Variants in MGAT4A observed in about 807,000 individuals in gnomAD.
The protein encoded by MGAT4A is alpha-1,3-mannosyl-glycoprotein 4-beta-N-acetylglucosaminyltransferase A, also known as N-acetylglucosaminyltransferase IVa.
Under a neutral mutation model 74.1 loss-of-function variants are expected in MGAT4A, and 33 were observed. The observed-to-expected ratio is 0.45, with a 90% CI of 0.34 to 0.60. The LOEUF is 0.60. Ranked by LOEUF, MGAT4A falls within the 20% of genes least tolerant of loss-of-function variation. The probability of loss-of-function intolerance (pLI) is 0.02; values close to 1 mark genes in which losing one functional copy is unlikely to be tolerated. For synonymous variants in MGAT4A, 198 were observed against 210.4 expected (o/e 0.94, Z 0.51); for missense variants, 479 against 628.3 (o/e 0.76, Z 2.54).
At chr2:98,722,269 T>C (rs1702684339) in intron 2 of MGAT4A, among the ~76,000 whole-genome samples, 1 of 152,148 alleles carries the variant, frequency 6.6e-6, no homozygotes, top group East Asian at 1.9e-4. Context: ...AGCGGATGGA[T>C]GGATAAACAG....
At chr2:98,691,649 T>C (rs531285457) in intron 2 of MGAT4A, among the ~76,000 whole-genome samples, 1 of 152,358 alleles carries the variant, frequency 6.6e-6, no homozygotes, top group East Asian at 1.9e-4. Flanking sequence ...TACTGGTTTA[T>C]GTATTTACTA....
intron 2 of MGAT4A, among the ~76,000 whole-genome samples, chr2:98,718,930 CAG>C (rs1017362557): frequency 6.6e-6 from 1 of 152,192 alleles, no homozygotes; most frequent in Admixed American, 6.5e-5. Flanking sequence ...GGCTGCCACT[CAG>C]AGAAAAACCT....
At chr2:98,631,063 T>C (rs1436457355) in intron 14 of MGAT4A, among the ~76,000 whole-genome samples, 1 of 152,232 alleles carries the variant, frequency 6.6e-6, no homozygotes, top group Non-Finnish European at 1.5e-5. Flanking sequence ...GGCCCTTTCC[T>C]TCTCCCACTG....
At chr2:98,716,297 C>T (rs1299531407) in intron 2 of MGAT4A, among the ~76,000 whole-genome samples, 1 of 152,168 alleles carries the variant, frequency 6.6e-6, no homozygotes, top group Non-Finnish European at 1.5e-5. Flanking sequence ...TCGCTCCAGC[C>T]TGTGTGACAG....
chr2:98,651,071 AAAAGAAAG>A (rs58878330), intron 8 of MGAT4A, among the ~76,000 whole-genome samples: 1 of 150,670 alleles, frequency 6.6e-6, no homozygotes, highest in African/African-American at 2.4e-5. Flanking sequence ...TCTCAAAAAA[AAAAGAAAG>A]AAAGAAAGAA....
At chr2:98,709,833 T>C (rs1305774078) in intron 2 of MGAT4A, among the ~76,000 whole-genome samples, 2 of 152,108 alleles carry the variant, frequency 1.3e-5, no homozygotes, top group Non-Finnish European at 2.9e-5. Flanking sequence ...GATAAACTAG[T>C]TGGCAAACTC....
At chr2:98,695,882 T>C (rs1386711488) in intron 2 of MGAT4A, among the ~76,000 whole-genome samples, 1 of 150,244 alleles carries the variant, frequency 6.7e-6, no homozygotes, top group African/African-American at 2.4e-5. Context: ...GAACTTCTTT[T>C]TTTTTTTTTT....
Position 98,625,566 on chromosome 2 carries a change from T to A in MGAT4A, c.1608A>T (p.Ter536CysextTer11). The A allele has an allele frequency of 6.2e-7, 1 of 1,609,328 alleles. No homozygotes were observed. The highest frequency in any genetic ancestry group is 8.5e-7 in the Non-Finnish European group (1 of 1,178,646). Residue 536 changes from the stop codon to cysteine (C), a stop_lost, in exon 16 of 16, where the codon TGA (stop) becomes TGT (cysteine). Transcript: ENST00000393487. Reference protein sequence around the residue: ...NEIHIKKATN* With the variant: ...NEIHIKKATNC ...AAAAATGTGTTGGTTTCTCAGATGA[T>A]CAGTTGGTGGCTTTTTTAATATGAA...
Position 98,620,118 on chromosome 2 carries a change from A to G in MGAT4A, c.*5448T>C, listed in dbSNP as rs1381591782. ...GTGAAGGAGTGTTTCAGGTAAGAAG[A>G]AGAGTTTATATATAGGTGTTGATAC... On this transcript the variant is annotated 3_prime_UTR_variant, in exon 16 of 16. Coordinates refer to ENST00000393487, the MANE Select transcript of MGAT4A (RefSeq NM_012214.3). 6.6e-6 allele frequency: 1 copy of G among 152,208 alleles called. No individual in the cohort carries two copies. Among genetic ancestry groups the G allele is most frequent in the Non-Finnish European group, 1.5e-5 (1 of 68,032 alleles). 9.4% of individuals were successfully genotyped at this position (152,208 alleles called of 1,614,324 possible).
At position 98,623,089 on chromosome 2, in the gene MGAT4A, T is replaced by C. The variant is rs1701084906; in HGVS notation, c.*2477A>G. On this transcript the variant is annotated 3_prime_UTR_variant, in exon 16 of 16. Transcript: ENST00000393487. ...AATAATTGGTCTCACATCCAGATGC[T>C]GACTGGCCACCTGCCACGTGCCTGG... 1 of 985,292 alleles carries C rather than the reference T, an allele frequency of 1.0e-6. No individual in the cohort carries two copies. Among genetic ancestry groups the C allele is most frequent in the African/African-American group, 1.7e-5 (1 of 57,222 alleles). 61.0% of individuals were successfully genotyped at this position (985,292 alleles called of 1,614,324 possible).
At chr2:98,718,755 G>T (rs764361657) in intron 2 of MGAT4A, among the ~76,000 whole-genome samples, 2 of 152,204 alleles carry the variant, frequency 1.3e-5, no homozygotes, top group Non-Finnish European at 2.9e-5. Flanking sequence ...AACCCCTGCT[G>T]ATGGAATGCA....
At chr2:98,673,433 A>G (rs1701936807) in intron 4 of MGAT4A, among the ~76,000 whole-genome samples, 1 of 152,216 alleles carries the variant, frequency 6.6e-6, no homozygotes, top group Non-Finnish European at 1.5e-5. Context: ...TAGAATATCC[A>G]AAAGGTCCTG....
Position 98,625,310 on chromosome 2 carries a change from C to T in MGAT4A, c.*256G>A, listed in dbSNP as rs1701127954. The T allele has an allele frequency of 8.2e-7, 1 of 1,216,380 alleles. No homozygotes were observed. Among genetic ancestry groups the T allele is most frequent in the African/African-American group, 1.6e-5 (1 of 64,012 alleles). 75.3% of individuals were successfully genotyped at this position (1,216,380 alleles called of 1,614,324 possible). On this transcript the variant is annotated 3_prime_UTR_variant, in exon 16 of 16. Transcript: ENST00000393487. ...ACAACTCTTATGTATTAGTATAATA[C>T]CAAAATAGTACAAGTCATATTAACA...
chr2:98,656,529 A>G, intron 6 of MGAT4A, 64 bp from the exon 7 acceptor site: 1 of 1,088,446 alleles, frequency 9.2e-7, no homozygotes, highest in Non-Finnish European at 1.4e-6. Flanking sequence ...TTAAAGCTCA[A>G]TACACTGTGT....
chr2:98,626,190 C>T (rs1195565996), intron 14 of MGAT4A, among the ~76,000 whole-genome samples: 1 of 152,148 alleles, frequency 6.6e-6, no homozygotes, highest in African/African-American at 2.4e-5. Context: ...TGTACCATCA[C>T]GCAGTCTGAT....
At chr2:98,685,690 A>G (rs1702119283) in intron 2 of MGAT4A, among the ~76,000 whole-genome samples, 1 of 152,200 alleles carries the variant, frequency 6.6e-6, no homozygotes, top group Non-Finnish European at 1.5e-5. Context: ...AAACTTACAA[A>G]CGAGACCAAG....
intron 4 of MGAT4A, 121 bp downstream of exon 4, chr2:98,674,914 T>C (rs976749096): frequency 2.1e-6 from 2 of 944,030 alleles, no homozygotes; most frequent in African/African-American, 1.7e-5. Flanking sequence ...TGATCTGATG[T>C]GCACAGATAA....
intron 4 of MGAT4A, among the ~76,000 whole-genome samples, chr2:98,667,507 T>C (rs981162263): frequency 1.2e-4 from 18 of 152,194 alleles, no homozygotes; most frequent in Non-Finnish European, 4.4e-5. Flanking sequence ...GATGAGGAAC[T>C]TGTTAGGCAC....
rs777765615 is a variant in MGAT4A at position 98,645,524 on chromosome 2, C to T, written c.793G>A (p.Val265Ile). The T allele has an allele frequency of 6.4e-7, 1 of 1,573,128 alleles. No individual in the cohort carries two copies. Among genetic ancestry groups the T allele is most frequent in the East Asian group, 2.3e-5 (1 of 43,712 alleles). Residue 265 changes from valine (V) to isoleucine (I), a missense_variant, in exon 9 of 16, where the codon GTC becomes ATC. Transcript: ENST00000393487. Reference sequence around the variant, plus strand: ...ATGGTATTAAAATAATTTTGTTTGACAATAATATCATCTTCAAGCTAGAGA... The same window carrying T: ...ATGGTATTAAAATAATTTTGTTTGATAATAATATCATCTTCAAGCTAGAGA... ...YYIQLEDDII[V>I]KQNYFNTIKN...
Sources: gnomAD v4.1 joint callset for allele counts (sites outside exome capture counted in the v4.1 genomes callset) on GRCh38, gnomAD v4.1.1 for gene constraint, MANE v1.5 for transcripts, NCBI Gene and HGNC (gene_info 2026-07-23, HGNC 2026-07-21) for gene names.